DLC1: variants seen among roughly 807,000 people sequenced by gnomAD.
DLC1 encodes the protein rho GTPase-activating protein 7.
A neutral mutation model predicts 140.3 loss-of-function variants in DLC1; 54 were observed. The observed-to-expected ratio is 0.38, with a 90% confidence interval of 0.31 to 0.48. DLC1 has a LOEUF of 0.48. Among genes scored for constraint, DLC1 ranks in the 20% least tolerant of loss-of-function variants. DLC1 has a pLI of 0.96. For missense variants in DLC1, 2,536 were observed against 1,907.0 expected, an observed-to-expected ratio of 1.33 and a Z score of -6.14; for synonymous variants, 986 against 728.1, an observed-to-expected ratio of 1.35 and a Z score of -5.70.
intron 2 of DLC1, among the ~76,000 whole-genome samples, chr8:13,440,054 A>G (rs1798428390): frequency 6.6e-6 from 1 of 152,178 alleles, no homozygotes; most frequent in South Asian, 2.1e-4. Flanking sequence ...GGAGGGGAAA[A>G]AGTCTTCTGG....
intron 2 of DLC1, among the ~76,000 whole-genome samples, chr8:13,439,288 C>T (rs1402014456): frequency 1.3e-5 from 2 of 152,072 alleles, no homozygotes; most frequent in African/African-American, 4.8e-5. Context: ...TGTGCCACTG[C>T]ACTCCAGTCT....
intron 2 of DLC1, among the ~76,000 whole-genome samples, chr8:13,435,609 C>T (rs748993846): frequency 6.6e-6 from 1 of 152,144 alleles, no homozygotes; most frequent in African/African-American, 2.4e-5. Flanking sequence ...CCACTGTGCC[C>T]AGCGAGGAGT....
intron 5 of DLC1, among the ~76,000 whole-genome samples, chr8:13,258,513 T>A (rs34589459): frequency 6.6e-6 from 1 of 152,174 alleles, no homozygotes; most frequent in African/African-American, 2.4e-5. Context: ...AAGAACACAA[T>A]GGACTTTGGA....
chr8:13,133,338 C>T (rs1298348622), intron 5 of DLC1: 20 of 1,156,072 alleles, frequency 1.7e-5, no homozygotes, highest in Non-Finnish European at 2.1e-5. Context: ...GCCCACCCCC[C>T]GAGGGGCGGG....
intron 1 of DLC1, among the ~76,000 whole-genome samples, chr8:13,511,305 G>C (rs1404865537): frequency 8.1e-6 from 1 of 123,272 alleles, no homozygotes; most frequent in African/African-American, 3.2e-5. Context: ...TATGCATGCT[G>C]TTTACATTAT....
At chr8:13,357,403 T>A (rs1834996865) in intron 4 of DLC1, among the ~76,000 whole-genome samples, 1 of 152,244 alleles carries the variant, frequency 6.6e-6, no homozygotes, top group African/African-American at 2.4e-5. Flanking sequence ...CCAGTTTGAC[T>A]TCTGCTGCTA....
chr8:13,416,796 T>G (rs181123636), intron 2 of DLC1, among the ~76,000 whole-genome samples: 1 of 152,290 alleles, frequency 6.6e-6, no homozygotes, highest in East Asian at 1.9e-4. Context: ...TGGTTTGACA[T>G]TTTTTGGCTG....
At chr8:13,290,023 C>G (rs1376509155) in intron 5 of DLC1, among the ~76,000 whole-genome samples, 7 of 151,622 alleles carry the variant, frequency 4.6e-5, no homozygotes, top group Non-Finnish European at 1.5e-5. Context: ...TTTACCTTGA[C>G]TCTAAGTTCT....
chr8:13,297,493 A>G (rs974723580), intron 5 of DLC1, among the ~76,000 whole-genome samples: 2 of 152,034 alleles, frequency 1.3e-5, no homozygotes, highest in East Asian at 1.9e-4. Flanking sequence ...GAATAGAAAG[A>G]TAAGACTCTA....
At chr8:13,519,033 G>T (rs1802682403), upstream of DLC1, among the ~76,000 whole-genome samples, 1 of 151,792 alleles carries the variant, frequency 6.6e-6, no homozygotes, top group Non-Finnish European at 1.5e-5. Flanking sequence ...GGGTACATGT[G>T]CACAACATGC....
intron 5 of DLC1, among the ~76,000 whole-genome samples, chr8:13,295,223 G>A (rs1003222898): frequency 2.7e-4 from 41 of 152,280 alleles, no homozygotes; most frequent in Middle Eastern, 6.8e-3. Flanking sequence ...CTGATTTAAC[G>A]TTTACATTAA....
intron 2 of DLC1, among the ~76,000 whole-genome samples, chr8:13,411,524 A>G (rs942246014): frequency 8.5e-5 from 13 of 152,184 alleles, no homozygotes; most frequent in African/African-American, 3.1e-4. Flanking sequence ...AATAGTAGAC[A>G]CTGATGTAAA....
intron 4 of DLC1, among the ~76,000 whole-genome samples, chr8:13,370,691 C>T (rs1398487129): frequency 2.6e-5 from 4 of 152,138 alleles, no homozygotes; most frequent in Non-Finnish European, 5.9e-5. Flanking sequence ...CCTTTTTGTT[C>T]TGTCACTAAG....
chr8:13,226,071 CTTGGCTACTTTTTTTGATTT>C (rs1563180366), intron 5 of DLC1, among the ~76,000 whole-genome samples: 1 of 152,078 alleles, frequency 6.6e-6, no homozygotes, highest in Non-Finnish European at 1.5e-5. Context: ...TGTCGCCACA[CTTGGCTACTTTTTTTGATTT>C]TTAGTGGAAA....
chr8:13,244,099 C>T (rs891206903), intron 5 of DLC1, among the ~76,000 whole-genome samples: 6 of 152,150 alleles, frequency 3.9e-5, no homozygotes, highest in African/African-American at 1.4e-4. Context: ...CTTGAGTAAT[C>T]CCCAGGCACT....
intron 1 of DLC1, among the ~76,000 whole-genome samples, chr8:13,503,598 A>G (rs1384580052): frequency 2.6e-5 from 4 of 152,204 alleles, no homozygotes; most frequent in African/African-American, 9.7e-5. Flanking sequence ...ACTACTGCTG[A>G]TTCTACAGCC....
intron 1 of DLC1, among the ~76,000 whole-genome samples, chr8:13,604,088 G>T (rs574530812): frequency 2.0e-5 from 3 of 152,052 alleles, no homozygotes; most frequent in Non-Finnish European, 2.9e-5. Context: ...CAATGATAAT[G>T]TTATGATATG....
intron 5 of DLC1, among the ~76,000 whole-genome samples, chr8:13,211,429 T>A (rs546484642): frequency 3.9e-4 from 59 of 152,324 alleles, no homozygotes; most frequent in African/African-American, 1.3e-3. Context: ...GTTGCTCTAA[T>A]GAACTTGCTT....
At chr8:13,388,771 T>C (rs7836909) in intron 4 of DLC1, among the ~76,000 whole-genome samples, 6,985 of 152,132 alleles carry the variant, frequency 0.046, 230 homozygotes, top group African/African-American at 0.085. Context: ...TACACATACA[T>C]ATATGTAAAC....
Sources: allele counts gnomAD v4.1 joint callset (sites outside exome capture counted in the v4.1 genomes callset), GRCh38; gene constraint gnomAD v4.1.1; transcripts MANE v1.5; gene names NCBI Gene and HGNC (gene_info 2026-07-23, HGNC 2026-07-21).